ATE1: variants seen among roughly 807,000 people sequenced by gnomAD.
The protein encoded by ATE1 is arginyltransferase 1.
Under a neutral mutation model 70.5 loss-of-function variants are expected in ATE1, and 36 were observed. That is an observed-to-expected ratio of 0.51 (90% CI 0.39 to 0.67). The LOEUF is 0.67. Among genes scored for constraint, ATE1 ranks in the 30% least tolerant of loss-of-function variants. ATE1 has a pLI of 0.00. For missense variants in ATE1, 593 were observed against 629.5 expected, an observed-to-expected ratio of 0.94 and a Z score of 0.62; for synonymous variants, 232 against 219.3, an observed-to-expected ratio of 1.06 and a Z score of -0.51.
chr10:121,741,990 G>C lies in ATE1; in HGVS notation c.*1690C>G, dbSNP rs559124713. The C allele has an allele frequency of 6.6e-6, 1 of 152,222 alleles. No individual in the cohort carries two copies. Among genetic ancestry groups the C allele is most frequent in the South Asian group, 2.1e-4 (1 of 4,808 alleles). 9.4% of individuals were successfully genotyped at this position (152,222 alleles called of 1,614,324 possible). A position where few individuals can be genotyped will look rare whatever the true frequency, so the allele number is the denominator to read the frequency against. On this transcript the variant is annotated 3_prime_UTR_variant, in exon 12 of 12. Coordinates refer to ENST00000224652, the MANE Select transcript of ATE1 (RefSeq NM_001001976.3). Reference sequence around the variant, plus strand: ...AGCTCTTTTCATTTTAGAGGAAAAAGAGAAAAAAGGCTCTATAGATTCTGA... The same window carrying C: ...AGCTCTTTTCATTTTAGAGGAAAAACAGAAAAAAGGCTCTATAGATTCTGA...
chr10:121,862,356 C>A (rs1285699557), intron 8 of ATE1, among the ~76,000 whole-genome samples: 1 of 151,750 alleles, frequency 6.6e-6, no homozygotes, highest in Non-Finnish European at 1.5e-5. Context: ...CTTACGTTGA[C>A]AGACTCAAGA....
chr10:121,922,312 T>C (rs1242810235), intron 3 of ATE1, 37 bp downstream of exon 3: 7 of 1,377,848 alleles, frequency 5.1e-6, no homozygotes, highest in Non-Finnish European at 6.1e-6. Flanking sequence ...ACAATCTTCA[T>C]ACTATAAATC....
Position 121,743,703 on chromosome 10 carries a change from G to A in ATE1, c.1534C>T (p.Arg512Trp), listed in dbSNP as rs760706352. 1.2e-6 allele frequency: 2 copies of A among 1,612,198 alleles called. No individual in the cohort carries two copies. The highest frequency in any genetic ancestry group is 1.7e-6 in the Non-Finnish European group (2 of 1,179,380). ...ASLVGQKCSE[R>W]MLLFRN The stretch of plus-strand genomic sequence containing the variant: ...GGTCAGTTTCTGAACAGCAGCATCC[G>A]CTCGGAGCACTTCTGCCCCACCAGG... The change falls in exon 12 of 12, where the codon CGG (arginine) becomes TGG (tryptophan). Residue 512 changes from arginine to tryptophan, a missense_variant. Arg to Trp is a moderately radical substitution (Grantham distance 101). Transcript: ENST00000224652.
At chr10:121,844,939 C>T (rs970859276) in intron 8 of ATE1, among the ~76,000 whole-genome samples, 6 of 151,832 alleles carry the variant, frequency 4.0e-5, no homozygotes, top group African/African-American at 1.2e-4. Flanking sequence ...GTGGCAACCC[C>T]ACTAGAAAGT....
chr10:121,756,325 C>G (rs1298814930), intron 11 of ATE1, among the ~76,000 whole-genome samples: 1 of 152,230 alleles, frequency 6.6e-6, no homozygotes, highest in Non-Finnish European at 1.5e-5. Context: ...GCTGCTTTCA[C>G]AGGCTAGCGT....
At chr10:121,786,475 C>T (rs543499724) in intron 11 of ATE1, among the ~76,000 whole-genome samples, 3 of 152,024 alleles carry the variant, frequency 2.0e-5, no homozygotes, top group East Asian at 3.9e-4. Context: ...TCAAGACAAG[C>T]CTACGCAACG....
At chr10:121,827,309 G>C (rs1340934500) in intron 10 of ATE1, among the ~76,000 whole-genome samples, 1 of 152,168 alleles carries the variant, frequency 6.6e-6, no homozygotes, top group East Asian at 1.9e-4. Flanking sequence ...ACTGTGCCCA[G>C]CAAATTTTTT....
intron 4 of ATE1, among the ~76,000 whole-genome samples, chr10:121,912,325 G>A (rs531000860): frequency 7.2e-5 from 11 of 151,986 alleles, no homozygotes; most frequent in Non-Finnish European, 1.5e-4. Context: ...CCTGTAACAA[G>A]TCAAATAAAC....
chr10:121,758,853 G>A (rs1430039837), intron 11 of ATE1, among the ~76,000 whole-genome samples: 1 of 152,064 alleles, frequency 6.6e-6, no homozygotes, highest in African/African-American at 2.4e-5. Context: ...TTGGTTTGGG[G>A]TATCACAAAC....
intron 7 of ATE1, among the ~76,000 whole-genome samples, chr10:121,875,138 CAAAAA>C (rs1276048988): frequency 1.3e-5 from 1 of 79,400 alleles, no homozygotes. Flanking sequence ...GACTCCGTCT[CAAAAA>C]AAAAAAAAAA....
intron 3 of ATE1, among the ~76,000 whole-genome samples, chr10:121,919,422 G>A (rs1489310969): frequency 6.6e-6 from 1 of 152,006 alleles, no homozygotes; most frequent in Non-Finnish European, 1.5e-5. Context: ...TTAGCCAGGT[G>A]TGGTGGTGCA....
intron 11 of ATE1, among the ~76,000 whole-genome samples, chr10:121,756,138 A>T (rs560965049): frequency 1.6e-3 from 239 of 152,184 alleles, no homozygotes; most frequent in Non-Finnish European, 2.8e-3. Flanking sequence ...CCAAAACAAA[A>T]GGGCTACAGG....
At chr10:121,847,278 C>T (rs927289691) in intron 8 of ATE1, among the ~76,000 whole-genome samples, 1 of 151,876 alleles carries the variant, frequency 6.6e-6, no homozygotes, top group South Asian at 2.1e-4. Flanking sequence ...GAAACCCTGT[C>T]GCTACTAAAA....
intron 11 of ATE1, among the ~76,000 whole-genome samples, chr10:121,771,888 C>T (rs1281035669): frequency 6.6e-6 from 1 of 152,206 alleles, no homozygotes; most frequent in Non-Finnish European, 1.5e-5. Context: ...AGTTTCACAT[C>T]TCAGCAACTT....
At chr10:121,927,715 G>A in intron 1 of ATE1, 129 bp downstream of exon 1, 1 of 1,349,948 alleles carries the variant, frequency 7.4e-7, no homozygotes, top group East Asian at 3.1e-5. Flanking sequence ...CCTCCCGAGA[G>A]TGCCCCCTCC....
chr10:121,862,970 C>G (rs1949529212), intron 8 of ATE1, among the ~76,000 whole-genome samples: 1 of 152,096 alleles, frequency 6.6e-6, no homozygotes, highest in Non-Finnish European at 1.5e-5. Context: ...TAGCCAACAC[C>G]CCATGCACTG....
intron 8 of ATE1, among the ~76,000 whole-genome samples, chr10:121,849,546 C>T (rs1948975805): frequency 6.6e-6 from 1 of 152,230 alleles, no homozygotes; most frequent in South Asian, 2.1e-4. Context: ...AAGATATGGG[C>T]TGCCTCATAA....
At chr10:121,884,753 G>C (rs1025296823) in intron 7 of ATE1, among the ~76,000 whole-genome samples, 1 of 152,154 alleles carries the variant, frequency 6.6e-6, no homozygotes, top group Admixed American at 6.5e-5. Flanking sequence ...AATAGTAAAT[G>C]ACTGAAAAGC....
chr10:121,796,928 C>T (rs1317429578), intron 10 of ATE1, among the ~76,000 whole-genome samples: 3 of 152,054 alleles, frequency 2.0e-5, no homozygotes, highest in African/African-American at 7.2e-5. Context: ...AATTTCTTAC[C>T]CTATAAAAGA....
Sources: allele counts gnomAD v4.1 joint callset (sites outside exome capture counted in the v4.1 genomes callset), GRCh38; gene constraint gnomAD v4.1.1; transcripts MANE v1.5; gene names NCBI Gene and HGNC (gene_info 2026-07-23, HGNC 2026-07-21).